LINGO2: variants seen among roughly 807,000 people sequenced by gnomAD.
The protein encoded by LINGO2 is leucine-rich repeat and immunoglobulin-like domain-containing nogo receptor-interacting protein 2.
A neutral mutation model predicts 30.6 loss-of-function variants in LINGO2; 14 were observed. The observed-to-expected ratio is 0.46, with a 90% confidence interval of 0.30 to 0.72. The LOEUF is 0.72. LINGO2 is among the 30% of genes least tolerant of loss of function. The pLI is 0.07. For missense variants in LINGO2, 729 were observed against 751.7 expected, an observed-to-expected ratio of 0.97 and a Z score of 0.35; for synonymous variants, 317 against 288.5, an observed-to-expected ratio of 1.10 and a Z score of -1.00.
Position 28,561,004 on chromosome 9 carries a change from G to C in LINGO2, c.-364-84979C>G, listed in dbSNP as rs566699968. Among the ~76,000 whole-genome samples the C allele has an allele frequency of 2.0e-5, 3 of 152,118 alleles. No homozygotes were observed. In the South Asian group the frequency reaches 6.2e-4, roughly 32 times the overall value. On this transcript the variant is annotated intron_variant, in intron 1 of 5. Transcript: ENST00000379992. ...TCTTCTTCTTAAACATATAAGTTTT[G>C]TGTAAAATACACAACGAAGAGGACA...
At chr9:28,150,644 G>T (rs1827973063) in intron 4 of LINGO2, among the ~76,000 whole-genome samples, 2 of 152,192 alleles carry the variant, frequency 1.3e-5, no homozygotes, top group Admixed American at 1.3e-4. Flanking sequence ...AGAGGTTCTG[G>T]TTGCCACTCT....
the LINGO2 span, among the ~76,000 whole-genome samples, chr9:28,998,244 A>G: frequency 2.6e-5 from 4 of 152,174 alleles, no homozygotes; most frequent in Admixed American, 6.5e-5. Context: ...CAGAAATACC[A>G]CAAGTTACAT....
chr9:28,449,141 T>G (rs1367254896), intron 2 of LINGO2, among the ~76,000 whole-genome samples: 2 of 151,938 alleles, frequency 1.3e-5, no homozygotes, highest in Non-Finnish European at 2.9e-5. Flanking sequence ...TTTTCTTGTG[T>G]CTTTCTAGGC....
chr9:28,376,700 C>T (rs1015270183), intron 2 of LINGO2, among the ~76,000 whole-genome samples: 4 of 152,290 alleles, frequency 2.6e-5, no homozygotes, highest in African/African-American at 9.6e-5. Context: ...TCCCAAGTAA[C>T]TTCCCAATAA....
At chr9:28,419,283 T>C (rs1823091695) in intron 2 of LINGO2, among the ~76,000 whole-genome samples, 1 of 152,192 alleles carries the variant, frequency 6.6e-6, no homozygotes, top group Admixed American at 6.5e-5. Context: ...TCTTGAATTT[T>C]TGTTTTTTCT....
intron 5 of LINGO2, among the ~76,000 whole-genome samples, chr9:27,956,174 C>T (rs1350553349): frequency 6.6e-6 from 1 of 152,124 alleles, no homozygotes; most frequent in African/African-American, 2.4e-5. Flanking sequence ...CTCCGGAGAC[C>T]TCAGGTGATC....
intron 1 of LINGO2, among the ~76,000 whole-genome samples, chr9:28,496,991 C>G (rs963380132): frequency 6.6e-6 from 1 of 152,254 alleles, no homozygotes; most frequent in African/African-American, 2.4e-5. Context: ...TTGGCCGCCA[C>G]TCTCTTCTGG....
At chr9:28,132,929 T>G (rs962549964) in intron 4 of LINGO2, among the ~76,000 whole-genome samples, 3 of 152,192 alleles carry the variant, frequency 2.0e-5, no homozygotes, top group Admixed American at 1.3e-4. Context: ...AGACCCCCCT[T>G]TTCATCAAAA....
intron 4 of LINGO2, among the ~76,000 whole-genome samples, chr9:28,023,055 T>A (rs1823212096): frequency 6.6e-6 from 1 of 152,158 alleles, no homozygotes; most frequent in Admixed American, 6.5e-5. Flanking sequence ...ATATTAATCA[T>A]GTGTTATTGT....
the LINGO2 span, among the ~76,000 whole-genome samples, chr9:29,090,536 A>C: frequency 2.6e-5 from 4 of 152,208 alleles, no homozygotes; most frequent in East Asian, 7.7e-4. Context: ...ATCAAGTCCT[A>C]AATTACTGAA....
At chr9:28,741,656 A>G in the LINGO2 span, among the ~76,000 whole-genome samples, 1 of 152,016 alleles carries the variant, frequency 6.6e-6, no homozygotes, top group African/African-American at 2.4e-5. Flanking sequence ...GGCCTAAAGC[A>G]TGGAGCTATA....
rs1266520504 is a variant in LINGO2, at chr9:28,538,068, G to A, written c.-364-62043C>T. Among the ~76,000 whole-genome samples the A allele has an allele frequency of 2.6e-5, 4 of 152,120 alleles. No homozygotes were observed. In the East Asian group the frequency reaches 7.7e-4, roughly 29 times the overall value. On this transcript the variant is annotated intron_variant, in intron 1 of 5. Coordinates refer to ENST00000379992, the Ensembl canonical transcript of LINGO2. ...TTAAGAGAAAATATCTGTCAACTTA[G>A]AATTGTATACCTAGTTGGGATTTTA...
chr9:28,369,308 T>C (rs1017738761), intron 3 of LINGO2, among the ~76,000 whole-genome samples: 31 of 152,334 alleles, frequency 2.0e-4, no homozygotes, highest in African/African-American at 7.2e-4. Flanking sequence ...TCACCTTTCT[T>C]GATTACTTTG....
chr9:28,727,346 T>C, the LINGO2 span, among the ~76,000 whole-genome samples: 1 of 151,914 alleles, frequency 6.6e-6, no homozygotes, highest in South Asian at 2.1e-4. Context: ...AATGCAGTGG[T>C]GCGATCTCAG....
chr9:28,636,788 G>A (rs1827299318), intron 1 of LINGO2, among the ~76,000 whole-genome samples: 1 of 152,142 alleles, frequency 6.6e-6, no homozygotes, highest in Non-Finnish European at 1.5e-5. Flanking sequence ...TCACTCTGAT[G>A]TTAGTTTCTT....
At chr9:28,177,223 G>GT (rs1033375526) in intron 4 of LINGO2, among the ~76,000 whole-genome samples, 1 of 152,108 alleles carries the variant, frequency 6.6e-6, no homozygotes, top group Non-Finnish European at 1.5e-5. Flanking sequence ...GTAAAGGATG[G>GT]TTTTTTTGAG....
rs148354425 is a variant in LINGO2, at chr9:28,517,742, C to T, written c.-364-41717G>A. Among the ~76,000 whole-genome samples the T allele has an allele frequency of 1.7e-3, 257 of 152,228 alleles. 2 individuals are homozygous for T. Among genetic ancestry groups the T allele is most frequent in the African/African-American group, 5.4e-3 (224 of 41,544 alleles). On this transcript the variant is annotated intron_variant, in intron 1 of 5. Transcript: ENST00000379992. ...ATTTTCAAGCAACATTAGTACTTCT[C>T]GGCACAGGCTTAGGGCTGCTTGAAG...
chr9:29,197,740 A>G, the LINGO2 span, among the ~76,000 whole-genome samples: 1 of 152,130 alleles, frequency 6.6e-6, no homozygotes. Context: ...AGAGTGTTTC[A>G]TATTACTTAT....
rs1819877871 is a variant in LINGO2, at chr9:28,193,047, A to G, written c.-87+102161T>C. On this transcript the variant is annotated intron_variant, in intron 4 of 5. Coordinates refer to ENST00000379992, the Ensembl canonical transcript of LINGO2. ...TAGCTCACATTTGATGGTTACTGAC[A>G]TAGTACAAATTTAATTTATTCCTAG... Among the ~76,000 whole-genome samples, 3 of 152,212 alleles carry G rather than the reference A, an allele frequency of 2.0e-5. No individual in the cohort carries two copies. The South Asian group carries it at 6.2e-4, about 31-fold the overall frequency.
Sources: gnomAD v4.1 joint callset for allele counts (sites outside exome capture counted in the v4.1 genomes callset) on GRCh38, gnomAD v4.1.1 for gene constraint, MANE v1.5 for transcripts, NCBI Gene and HGNC (gene_info 2026-07-23, HGNC 2026-07-21) for gene names.